Variants in NELL1 observed in about 807,000 individuals in gnomAD.
The protein encoded by NELL1 is protein kinase C-binding protein NELL1.
A neutral mutation model predicts 107.4 loss-of-function variants in NELL1; 76 were observed. The ratio of observed to expected loss-of-function variants is 0.71; its 90% CI spans 0.59 to 0.86. The LOEUF (loss-of-function observed/expected upper bound fraction) is 0.86, where lower values mean the gene tolerates loss of function less well. NELL1 is among the 40% of genes least tolerant of loss of function. The pLI is 0.00. For synonymous variants in NELL1, 353 were observed against 341.2 expected, an observed-to-expected ratio of 1.03 and a Z score of -0.38; for missense variants, 1,024 against 1,005.5, an observed-to-expected ratio of 1.02 and a Z score of -0.25.
At chr11:20,670,803 T>G (rs1480651538) in intron 1 of NELL1, 2 of 128,720 alleles carry the variant, frequency 1.6e-5, no homozygotes, top group African/African-American at 5.0e-5. Context: ...CCCCAGAATC[T>G]GTGTGGTCAT....
intron 12 of NELL1, among the ~76,000 whole-genome samples, chr11:20,978,817 T>G (rs1851692971): frequency 6.6e-6 from 1 of 152,180 alleles, no homozygotes; most frequent in African/African-American, 2.4e-5. Context: ...TCTTTTTAGG[T>G]TACCCTGCAA....
At chr11:20,758,185 C>T (rs1856339844) in intron 2 of NELL1, among the ~76,000 whole-genome samples, 2 of 152,096 alleles carry the variant, frequency 1.3e-5, no homozygotes, top group Non-Finnish European at 2.9e-5. Context: ...CTGTCCCTGC[C>T]TCCTAAAATT....
At chr11:21,089,546 C>T (rs960673416) in intron 12 of NELL1, among the ~76,000 whole-genome samples, 22 of 152,056 alleles carry the variant, frequency 1.4e-4, no homozygotes, top group Non-Finnish European at 2.8e-4. Context: ...TAAATTTTGT[C>T]GGAAACAAAT....
At position 21,191,401 on chromosome 11, in the gene NELL1, CA is replaced by C. The variant is rs760553375; in HGVS notation, c.1427-37925del. On this transcript the variant is annotated intron_variant, in intron 13 of 19. Coordinates refer to ENST00000357134, the MANE Select transcript of NELL1 (RefSeq NM_006157.5). The stretch of plus-strand genomic sequence containing the variant: ...GGCAGCCTCTAGAAGCTGGAGAAGT[CA>C]AAAAACAAAACAAAAGAGATATTCC... 4.4e-4 allele frequency among the ~76,000 whole-genome samples: 66 copies of C among 151,656 alleles called. No homozygotes were observed. The East Asian group carries it at 0.01, about 24-fold the overall frequency.
chr11:21,058,333 ACAGT>A (rs1432712393), intron 12 of NELL1, among the ~76,000 whole-genome samples: 1 of 152,156 alleles, frequency 6.6e-6, no homozygotes, highest in East Asian at 1.9e-4. Context: ...TTTGAGTCTG[ACAGT>A]CATCTTTTGA....
At chr11:21,542,086 C>T (rs558962358) in intron 16 of NELL1, among the ~76,000 whole-genome samples, 78 of 152,104 alleles carry the variant, frequency 5.1e-4, no homozygotes, top group African/African-American at 1.8e-3. Flanking sequence ...TTTCATTAAC[C>T]GAACAACTAC....
chr11:21,066,826 C>A (rs575392791), intron 12 of NELL1, among the ~76,000 whole-genome samples: 1 of 151,914 alleles, frequency 6.6e-6, no homozygotes, highest in Non-Finnish European at 1.5e-5. Flanking sequence ...TGATGGTGCA[C>A]GCTTGTAATC....
At chr11:21,549,605 G>T (rs1322671448) in intron 16 of NELL1, among the ~76,000 whole-genome samples, 1 of 151,776 alleles carries the variant, frequency 6.6e-6, no homozygotes, top group African/African-American at 2.4e-5. Flanking sequence ...GACTCTCAGT[G>T]CAGTCATTTT....
intron 14 of NELL1, among the ~76,000 whole-genome samples, chr11:21,300,395 A>G (rs992728626): frequency 2.6e-5 from 4 of 152,024 alleles, no homozygotes; most frequent in South Asian, 2.1e-4. Flanking sequence ...CCTGGAGGCC[A>G]GAAAAAGGGC....
intron 2 of NELL1, among the ~76,000 whole-genome samples, chr11:20,774,051 CCCCTCCCCTCCTGTCCCCTT>C (rs1856695417): frequency 2.9e-5 from 2 of 69,364 alleles, no homozygotes; most frequent in African/African-American, 1.2e-4. Flanking sequence ...CCTGTCCCCT[CCCCTCCCCTCCTGTCCCCTT>C]CCCTCCCCTC....
chr11:21,395,784 C>T (rs1851966352), intron 15 of NELL1, among the ~76,000 whole-genome samples: 1 of 150,832 alleles, frequency 6.6e-6, no homozygotes, highest in African/African-American at 2.4e-5. Context: ...ACATTGGCCT[C>T]TCTGAAAAAA....
At chr11:21,495,301 T>C (rs1423073812) in intron 15 of NELL1, among the ~76,000 whole-genome samples, 2 of 152,118 alleles carry the variant, frequency 1.3e-5, no homozygotes, top group African/African-American at 4.8e-5. Context: ...GCGTAGTGTT[T>C]TTCAGGTTCA....
At chr11:21,269,350 CCTCTCTCTCT>C (rs67054627) in intron 14 of NELL1, among the ~76,000 whole-genome samples, 1 of 147,558 alleles carries the variant, frequency 6.8e-6, no homozygotes, top group Non-Finnish European at 1.5e-5. Flanking sequence ...TTGCCAAATC[CCTCTCTCTCT>C]CTCTCTCTCT....
intron 7 of NELL1, among the ~76,000 whole-genome samples, chr11:20,925,546 A>G (rs1329741798): frequency 6.7e-6 from 1 of 148,720 alleles, no homozygotes; most frequent in Non-Finnish European, 1.5e-5. Flanking sequence ...TTGGCCTCCC[A>G]AAGTGCTGGG....
intron 16 of NELL1, among the ~76,000 whole-genome samples, chr11:21,548,034 A>T (rs1856486761): frequency 6.6e-6 from 1 of 151,922 alleles, no homozygotes; most frequent in African/African-American, 2.4e-5. Context: ...GCTAAAAAAA[A>T]ATCCTCAAGA....
At chr11:20,753,807 C>T (rs1856198402) in intron 2 of NELL1, among the ~76,000 whole-genome samples, 1 of 152,150 alleles carries the variant, frequency 6.6e-6, no homozygotes, top group Non-Finnish European at 1.5e-5. Flanking sequence ...GGCAGGCTGT[C>T]CCCATAGGAG....
intron 2 of NELL1, among the ~76,000 whole-genome samples, chr11:20,757,657 ATTCC>A (rs1856327259): frequency 1.3e-5 from 2 of 152,120 alleles, no homozygotes; most frequent in Admixed American, 6.6e-5. Context: ...TTCCTCTGGA[ATTCC>A]ACCGTCATCA....
chr11:20,911,580 A>G (rs2134148614), intron 5 of NELL1, among the ~76,000 whole-genome samples: 1 of 152,328 alleles, frequency 6.6e-6, no homozygotes, highest in Middle Eastern at 3.4e-3. Flanking sequence ...CATGTGGTAC[A>G]CCAAGTACCA....
chr11:21,196,033 T>C (rs145402133), intron 13 of NELL1, among the ~76,000 whole-genome samples: 37 of 152,336 alleles, frequency 2.4e-4, no homozygotes, highest in Middle Eastern at 3.4e-3. Flanking sequence ...TTGGTTTTAT[T>C]GTTTCTACAT....
Sources: gnomAD v4.1 joint callset for allele counts (sites outside exome capture counted in the v4.1 genomes callset) on GRCh38, gnomAD v4.1.1 for gene constraint, MANE v1.5 for transcripts, NCBI Gene and HGNC (gene_info 2026-07-23, HGNC 2026-07-21) for gene names.